Variants in ACACA observed in about 807,000 individuals in gnomAD.
ACACA encodes acetyl-CoA carboxylase 1.
In ACACA, 103 loss-of-function variants were observed where a neutral mutation model predicts 296.1. That is an observed-to-expected ratio of 0.35 (90% confidence interval 0.30 to 0.41). The LOEUF is 0.41. Ranked by LOEUF, ACACA falls within the 10% of genes least tolerant of loss-of-function variation. The pLI is 1.00. For synonymous variants in ACACA, 953 were observed against 1,038.6 expected (o/e 0.92, Z 1.58); for missense variants, 1,554 against 2,989.7 (o/e 0.52, Z 11.20).
intron 26 of ACACA, chr17:37,225,475 T>TG (rs2079500549): frequency 4.1e-6 from 1 of 245,242 alleles, no homozygotes; most frequent in African/African-American, 2.3e-5. Flanking sequence ...GGAGCAGCTG[T>TG]GGGAAAGGTA....
At chr17:37,323,139 C>T (rs779751792) in intron 3 of ACACA, among the ~76,000 whole-genome samples, 12 of 152,254 alleles carry the variant, frequency 7.9e-5, no homozygotes, top group African/African-American at 2.7e-4. Flanking sequence ...AAGATGGTGC[C>T]GTGGGGCTGG....
At chr17:37,305,785 T>C (rs2083846348) in intron 3 of ACACA, among the ~76,000 whole-genome samples, 1 of 151,970 alleles carries the variant, frequency 6.6e-6, no homozygotes, top group South Asian at 2.1e-4. Flanking sequence ...CTTCATGGTC[T>C]ACCCACACTG....
At chr17:37,182,435 C>T (rs2077362091) in intron 39 of ACACA, among the ~76,000 whole-genome samples, 1 of 152,190 alleles carries the variant, frequency 6.6e-6, no homozygotes, top group East Asian at 1.9e-4. Context: ...CCTATATTGT[C>T]ACATAATGAA....
intron 3 of ACACA, among the ~76,000 whole-genome samples, chr17:37,286,461 T>C (rs917234892): frequency 6.6e-6 from 1 of 152,200 alleles, no homozygotes; most frequent in African/African-American, 2.4e-5. Context: ...TCTGTGACAA[T>C]GGGGCCAAGA....
intron 1 of ACACA, among the ~76,000 whole-genome samples, chr17:37,399,169 T>C (rs1379449857): frequency 1.3e-5 from 2 of 150,156 alleles, no homozygotes; most frequent in East Asian, 2.0e-4. Flanking sequence ...TTAGTAGAGA[T>C]GGGGTTTCAC....
At chr17:37,210,399 TCC>T in intron 30 of ACACA, 66 bp downstream of exon 30, 1 of 1,441,172 alleles carries the variant, frequency 6.9e-7, no homozygotes, top group Admixed American at 1.7e-5. Flanking sequence ...GTTTTTTTTT[TCC>T]TGGTTTCACT....
At chr17:37,200,370 T>A (rs1598153043) in intron 34 of ACACA, 57 bp downstream of exon 34, 4 of 1,508,410 alleles carry the variant, frequency 2.7e-6, no homozygotes, top group Non-Finnish European at 3.7e-6. Flanking sequence ...CCCATTTTTA[T>A]TAAGTTGTAG....
chr17:37,301,430 T>C, intron 3 of ACACA: 1 of 985,136 alleles, frequency 1.0e-6, no homozygotes, highest in Non-Finnish European at 1.2e-6. Flanking sequence ...CATTGTAACA[T>C]GCCAAACACC....
chr17:37,224,990 A>ATATC lies in ACACA; in HGVS notation c.3474+1_3474+2insGATA. 2 of 1,362,136 alleles carry ATATC rather than the reference A, an allele frequency of 1.5e-6. No individual in the cohort carries two copies. Among genetic ancestry groups the ATATC allele is most frequent in the Non-Finnish European group, 2.1e-6 (2 of 952,986 alleles). 84.4% of individuals were successfully genotyped at this position (1,362,136 alleles called of 1,614,324 possible). A position where few individuals can be genotyped will look rare whatever the true frequency, so the allele number is the denominator to read the frequency against. ...GTTATATATATATATATATATATATACCTGCAGGTTCTCAATGCAAAATTG... is the reference window on the plus strand; with the variant it reads ...GTTATATATATATATATATATATATATATCCCTGCAGGTTCTCAATGCAAAATTG... On this transcript the variant is annotated splice_donor_variant, in intron 27 of 55. Transcript: ENST00000616317. LOFTEE classifies it high-confidence loss of function.
chr17:37,191,584 C>T (rs2077752771), intron 37 of ACACA, among the ~76,000 whole-genome samples: 1 of 152,088 alleles, frequency 6.6e-6, no homozygotes, highest in Non-Finnish European at 1.5e-5. Context: ...CCAAACAGAG[C>T]TATTTAGAAA....
In ACACA at chr17:37,231,698, A is replaced by C. The variant is rs1295556485; in HGVS notation, c.3246+3277T>G. 2.0e-5 allele frequency among the ~76,000 whole-genome samples: 3 copies of C among 152,220 alleles called. No homozygotes were observed. In the East Asian group the frequency reaches 5.8e-4, roughly 29 times the overall value. ...TGTTCATGTGGACCGTATCAAAAAT[A>C]AGTTACAAGTAGTGAGGGGAAGACT... On this transcript the variant is annotated intron_variant, in intron 25 of 55. Transcript: ENST00000616317.
At chr17:37,201,698 T>A (rs1005084833) in intron 33 of ACACA, among the ~76,000 whole-genome samples, 1 of 152,244 alleles carries the variant, frequency 6.6e-6, no homozygotes, top group Admixed American at 6.5e-5. Context: ...AGAAAAGTAA[T>A]GTGGACTTTC....
chr17:37,298,861 G>T (rs1598431351), intron 3 of ACACA, among the ~76,000 whole-genome samples: 1 of 152,208 alleles, frequency 6.6e-6, no homozygotes, highest in East Asian at 1.9e-4. Context: ...ACCTTTCCTA[G>T]CCCCAGACAC....
intron 47 of ACACA, 86 bp from the exon 48 acceptor site, chr17:37,125,880 G>A (rs937429016): frequency 1.9e-5 from 23 of 1,216,604 alleles, no homozygotes; most frequent in Non-Finnish European, 2.6e-5. Flanking sequence ...AAGGTGGTTT[G>A]GGGGATTATT....
At chr17:37,088,224 G>A (rs968631192) in intron 55 of ACACA, among the ~76,000 whole-genome samples, 2 of 152,158 alleles carry the variant, frequency 1.3e-5, no homozygotes, top group African/African-American at 4.8e-5. Flanking sequence ...ATTTACAAAA[G>A]TGGATCATTT....
At chr17:37,403,754 T>C (rs2051368769) in intron 1 of ACACA, among the ~76,000 whole-genome samples, 1 of 152,124 alleles carries the variant, frequency 6.6e-6, no homozygotes, top group Non-Finnish European at 1.5e-5. Context: ...GAGAGGGTAA[T>C]TTCCAGGTAG....
At chr17:37,169,080 T>G (rs1245565380) in intron 41 of ACACA, among the ~76,000 whole-genome samples, 1 of 152,192 alleles carries the variant, frequency 6.6e-6, no homozygotes, top group African/African-American at 2.4e-5. Context: ...GGGAAGGTAC[T>G]CATTCACCCA....
intron 41 of ACACA, among the ~76,000 whole-genome samples, chr17:37,166,126 A>G (rs1324573706): frequency 1.3e-5 from 2 of 150,942 alleles, no homozygotes; most frequent in Non-Finnish European, 3.0e-5. Flanking sequence ...GAGTCTTTTT[A>G]TTTTTTCAAT....
At chr17:37,150,062 T>G in intron 44 of ACACA, 88 bp from the exon 45 acceptor site, 1 of 1,156,454 alleles carries the variant, frequency 8.6e-7, no homozygotes, top group South Asian at 1.3e-5. Context: ...AAATCCAAAT[T>G]AACAGAAATA....
Sources: allele counts gnomAD v4.1 joint callset (sites outside exome capture counted in the v4.1 genomes callset), GRCh38; gene constraint gnomAD v4.1.1; transcripts MANE v1.5; gene names NCBI Gene and HGNC (gene_info 2026-07-23, HGNC 2026-07-21).